The following RARRES1 variants were observed in gnomAD, a reference collection of about 807,000 sequenced individuals.
RARRES1 encodes retinoic acid receptor responder 1.
RARRES1 carries 34 observed loss-of-function variants against 30.6 expected under a neutral mutation model. The ratio of observed to expected loss-of-function variants is 1.11; its 90% CI spans 0.84 to 1.48. The LOEUF is 1.48. Among genes scored for constraint, RARRES1 ranks in the 40% most tolerant of loss-of-function variants. The pLI, the probability that RARRES1 is intolerant of heterozygous loss-of-function variation, is 0.00. For synonymous variants in RARRES1, 153 were observed against 155.5 expected, an observed-to-expected ratio of 0.98 and a Z score of 0.12; for missense variants, 373 against 386.5, an observed-to-expected ratio of 0.97 and a Z score of 0.29.
chr3:158,726,196 C>T (rs1727677924), intron 1 of RARRES1, among the ~76,000 whole-genome samples: 1 of 152,142 alleles, frequency 6.6e-6, no homozygotes, highest in South Asian at 2.1e-4. Flanking sequence ...GTTTTTGTTT[C>T]AATGGACAAT....
At chr3:158,716,227 C>T (rs139140277) in intron 1 of RARRES1, among the ~76,000 whole-genome samples, 44 of 152,116 alleles carry the variant, frequency 2.9e-4, no homozygotes, top group East Asian at 7.8e-4. Flanking sequence ...TGAGATGTCT[C>T]GGAAAATGCT....
intron 1 of RARRES1, among the ~76,000 whole-genome samples, chr3:158,719,765 C>T (rs534859148): frequency 6.6e-6 from 1 of 152,276 alleles, no homozygotes; most frequent in East Asian, 1.9e-4. Flanking sequence ...AAACAGGCCA[C>T]TTTCAAAGAC....
At position 158,704,777 on chromosome 3, in the gene RARRES1, C is replaced by T. The variant is rs902690372; in HGVS notation, c.672+14G>A. ...AACTCTTGTGGCACAAGTTAATTTT[C>T]AGGTTTTTCTTACCCACTGCCTCAC... On this transcript the variant is annotated intron_variant, in intron 4 of 5. Coordinates refer to ENST00000237696, the MANE Select transcript of RARRES1 (RefSeq NM_206963.2). 3 of 1,608,764 alleles carry T rather than the reference C, an allele frequency of 1.9e-6. No individual in the cohort carries two copies. In the African/African-American group the frequency reaches 4.0e-5, roughly 21 times the overall value.
At chr3:158,730,787 A>G (rs1727858975) in intron 1 of RARRES1, among the ~76,000 whole-genome samples, 1 of 148,718 alleles carries the variant, frequency 6.7e-6, no homozygotes, top group South Asian at 2.1e-4. Flanking sequence ...ATTTTATTTT[A>G]TTTATTTTAT....
intron 1 of RARRES1, among the ~76,000 whole-genome samples, chr3:158,714,517 A>G (rs1433270188): frequency 6.6e-6 from 1 of 152,348 alleles, no homozygotes; most frequent in South Asian, 2.1e-4. Flanking sequence ...ATGAATCACC[A>G]ACACTGAAGA....
chr3:158,732,093 T>G (rs893944660), intron 1 of RARRES1, 47 bp downstream of exon 1: 1 of 1,296,934 alleles, frequency 7.7e-7, no homozygotes, highest in Non-Finnish European at 9.8e-7. Context: ...CCCAGCGCCG[T>G]GCGCGGACAG....
At chr3:158,727,273 A>T (rs917914984) in intron 1 of RARRES1, among the ~76,000 whole-genome samples, 2 of 152,230 alleles carry the variant, frequency 1.3e-5, no homozygotes, top group African/African-American at 4.8e-5. Context: ...ACACTTACAG[A>T]TTTTATTTTA....
chr3:158,730,365 C>CTCCCTCCTTCCTTCCT (rs1553746334), intron 1 of RARRES1, among the ~76,000 whole-genome samples: 2 of 120,262 alleles, frequency 1.7e-5, no homozygotes, highest in South Asian at 5.9e-4. Flanking sequence ...GAATAGGTTG[C>CTCCCTCCTTCCTTCCT]TCCTTCCTTC....
chr3:158,721,108 A>G (rs902827304), intron 1 of RARRES1, among the ~76,000 whole-genome samples: 8 of 152,210 alleles, frequency 5.3e-5, no homozygotes, highest in African/African-American at 1.9e-4. Flanking sequence ...AGGAAGGACT[A>G]GGATTAGACA....
rs1326916090 is a variant in RARRES1 at position 158,710,739 on chromosome 3, AG to A, written c.533del (p.Pro178LeufsTer11). 6.3e-7 allele frequency: 1 copy of A among 1,596,458 alleles called. No individual in the cohort carries two copies. Among genetic ancestry groups the A allele is most frequent in the East Asian group, 2.2e-5 (1 of 44,792 alleles). ...GAAATTCCAAATGCTGATTCATACC[AG>A]GTATGCTGACTATTTCCAAGGGGTT... is the stretch of plus-strand genomic sequence containing the variant. ...LKNPLEIVSI[P>X]DNHGHIDPSL... is the part of the protein sequence containing the mutation. On this transcript the variant is annotated frameshift_variant and splice_region_variant, in exon 3 of 6. Coordinates refer to ENST00000237696, the MANE Select transcript of RARRES1 (RefSeq NM_206963.2). LOFTEE classifies it high-confidence loss of function.
chr3:158,702,507 G>A (rs1726770102), intron 4 of RARRES1, among the ~76,000 whole-genome samples: 1 of 152,174 alleles, frequency 6.6e-6, no homozygotes, highest in Non-Finnish European at 1.5e-5. Context: ...GTAAAAATGT[G>A]TCATATGCAA....
chr3:158,723,209 C>T lies in RARRES1; in HGVS notation c.276+8931G>A, dbSNP rs1219241343. On this transcript the variant is annotated intron_variant, in intron 1 of 5. Coordinates refer to ENST00000237696, the MANE Select transcript of RARRES1 (RefSeq NM_206963.2). The surrounding 1 kb of genome is among the most constrained non-coding windows in gnomAD (Gnocchi z 4.4). ...GCTCACAGGTAATTCCAGTCTCCCTCCACGCATCTTGGGACTCACTGGTCT... is the reference window on the plus strand; with the variant it reads ...GCTCACAGGTAATTCCAGTCTCCCTTCACGCATCTTGGGACTCACTGGTCT... Among the ~76,000 whole-genome samples, 4 of 152,216 alleles carry T rather than the reference C, an allele frequency of 2.6e-5. No individual in the cohort carries two copies. The highest frequency in any genetic ancestry group is 7.2e-5 in the African/African-American group (3 of 41,446).
intron 1 of RARRES1, among the ~76,000 whole-genome samples, chr3:158,730,072 A>C (rs1661684965): frequency 6.6e-6 from 1 of 152,038 alleles, no homozygotes; most frequent in African/African-American, 2.4e-5. Flanking sequence ...CTGTAATCCC[A>C]GCACTTTGGG....
At chr3:158,712,195 T>C (rs1392338341) in intron 2 of RARRES1, among the ~76,000 whole-genome samples, 1 of 152,166 alleles carries the variant, frequency 6.6e-6, no homozygotes, top group African/African-American at 2.4e-5. Flanking sequence ...GAGGTGATAA[T>C]CTTCTTTTTA....
intron 1 of RARRES1, among the ~76,000 whole-genome samples, chr3:158,722,881 C>CAAAA (rs140630533): frequency 7.3e-5 from 8 of 110,086 alleles, no homozygotes; most frequent in Admixed American, 2.0e-4. Flanking sequence ...GACTCCATCT[C>CAAAA]AAAAAAAAAA....
rs565092410 is a variant in RARRES1 at position 158,720,636 on chromosome 3, ATTGT to A, written c.277-6781_277-6778del. Among the ~76,000 whole-genome samples the A allele has an allele frequency of 3.9e-3, 599 of 151,890 alleles. 4 individuals carry two copies. Among genetic ancestry groups the A allele is most frequent in the African/African-American group, 0.014 (579 of 41,400 alleles). On this transcript the variant is annotated intron_variant, in intron 1 of 5. Coordinates refer to ENST00000237696, the MANE Select transcript of RARRES1 (RefSeq NM_206963.2). Reference sequence around the variant, plus strand: ...AATCACTCCAATCTGTGCCTCTATTATTGTTTGTTTGTTTTTGAGATGGGTCTTG... The same window carrying A: ...AATCACTCCAATCTGTGCCTCTATTATTGTTTGTTTTTGAGATGGGTCTTG...
intron 1 of RARRES1, 87 bp from the exon 2 acceptor site, chr3:158,713,946 C>A: frequency 8.3e-7 from 1 of 1,198,682 alleles, no homozygotes; most frequent in Non-Finnish European, 1.2e-6. Context: ...GATAACATGG[C>A]ATGCAAATGG....
At chr3:158,732,008 G>C in intron 1 of RARRES1, 132 bp downstream of exon 1, 2 of 948,502 alleles carry the variant, frequency 2.1e-6, no homozygotes, top group Non-Finnish European at 2.8e-6. Context: ...GGATCTCCCC[G>C]GGCGTCGTGC....
At chr3:158,698,090 C>A (rs911766678) in intron 4 of RARRES1, 120 bp from the exon 5 acceptor site, 3 of 688,730 alleles carry the variant, frequency 4.4e-6, no homozygotes, top group Admixed American at 6.7e-5. Context: ...CGATTTCAGC[C>A]TCACGGTTTT....
Sources: gnomAD v4.1 joint callset for allele counts (sites outside exome capture counted in the v4.1 genomes callset) on GRCh38, gnomAD v4.1.1 for gene constraint, Gnocchi (gnomAD v3.1) non-coding constraint, MANE v1.5 for transcripts, NCBI Gene and HGNC (gene_info 2026-07-23, HGNC 2026-07-21) for gene names.